Variants in NTM observed in about 807,000 individuals in gnomAD.
NTM encodes the protein neurotrimin, also known as IgLON family member 2.
A neutral mutation model predicts 42.1 loss-of-function variants in NTM; 13 were observed. The observed-to-expected ratio is 0.31, with a 90% CI of 0.20 to 0.49. NTM has a LOEUF of 0.49. Ranked by LOEUF, NTM falls within the 20% of genes least tolerant of loss-of-function variation. The pLI is 0.99. For synonymous variants in NTM, 187 were observed against 179.2 expected (o/e 1.04, Z -0.35); for missense variants, 373 against 452.8 (o/e 0.82, Z 1.60).
chr11:132,183,649 C>T (rs554843415), intron 3 of NTM, among the ~76,000 whole-genome samples: 1 of 152,162 alleles, frequency 6.6e-6, no homozygotes, highest in South Asian at 2.1e-4. Context: ...TCTTTGAAAG[C>T]ACCAGACAAG....
At chr11:131,841,465 C>A (rs979959414) in intron 1 of NTM, among the ~76,000 whole-genome samples, 1 of 152,208 alleles carries the variant, frequency 6.6e-6, no homozygotes, top group Admixed American at 6.5e-5. Context: ...TGATTTCCAA[C>A]CTTGGCAGCA....
At chr11:132,211,995 T>G (rs189097733) in intron 3 of NTM, 27 bp from the exon 4 acceptor site, 2 of 1,601,484 alleles carry the variant, frequency 1.2e-6, no homozygotes, top group East Asian at 4.5e-5. Flanking sequence ...GGAGGATTTT[T>G]ATTTTCATTC....
chr11:131,561,749 T>C lies in NTM; in HGVS notation c.82+190861T>C, dbSNP rs77278089. ...ACTACTGCATTGCCCCACACTTTCC[T>C]TTCCTGGCCCGAGAAAGCCTCATTC... is the stretch of plus-strand genomic sequence containing the variant. On this transcript the variant is annotated intron_variant, in intron 1 of 8. Coordinates refer to ENST00000683400, the MANE Select transcript of NTM (RefSeq NM_001352005.2). 6.3e-3 allele frequency among the ~76,000 whole-genome samples: 956 copies of C among 152,300 alleles called. 14 individuals are homozygous for C. The highest frequency in any genetic ancestry group is 0.021 in the African/African-American group (886 of 41,568).
At chr11:131,754,665 C>T (rs2083084969) in intron 1 of NTM, among the ~76,000 whole-genome samples, 1 of 151,968 alleles carries the variant, frequency 6.6e-6, no homozygotes, top group African/African-American at 2.4e-5. Context: ...ACCATATAAC[C>T]CAACCATTTC....
intron 2 of NTM, among the ~76,000 whole-genome samples, chr11:131,954,569 G>C (rs968516468): frequency 6.6e-6 from 1 of 152,216 alleles, no homozygotes; most frequent in African/African-American, 2.4e-5. Context: ...CTGCGTGTCT[G>C]ATTGAAGTAA....
chr11:132,054,961 A>G (rs747760079), intron 2 of NTM, among the ~76,000 whole-genome samples: 23 of 152,184 alleles, frequency 1.5e-4, no homozygotes, highest in Non-Finnish European at 3.4e-4. Flanking sequence ...AAGGGAGGAA[A>G]CGGTGGTACT....
At chr11:132,029,191 C>G (rs1443875649) in intron 2 of NTM, among the ~76,000 whole-genome samples, 3 of 151,740 alleles carry the variant, frequency 2.0e-5, no homozygotes, top group Non-Finnish European at 4.4e-5. Context: ...CTGAGGATCT[C>G]TTTTTTTTAT....
chr11:131,930,172 A>G (rs764652828), intron 2 of NTM, among the ~76,000 whole-genome samples: 1 of 152,242 alleles, frequency 6.6e-6, no homozygotes, highest in Non-Finnish European at 1.5e-5. Flanking sequence ...ATAATAATAT[A>G]TAATTCCCAT....
At chr11:131,594,027 C>A (rs139107762) in intron 1 of NTM, among the ~76,000 whole-genome samples, 2 of 152,296 alleles carry the variant, frequency 1.3e-5, no homozygotes, top group African/African-American at 4.8e-5. Context: ...ATTCTGTGCA[C>A]CAGCCTTATA....
chr11:131,655,942 T>G (rs1196661495), intron 1 of NTM, among the ~76,000 whole-genome samples: 1 of 152,212 alleles, frequency 6.6e-6, no homozygotes, highest in Non-Finnish European at 1.5e-5. Context: ...ATTGAACCTG[T>G]GCCCTAGGTC....
chr11:131,763,645 C>T (rs1039047490), intron 1 of NTM, among the ~76,000 whole-genome samples: 1 of 149,684 alleles, frequency 6.7e-6, no homozygotes, highest in Admixed American at 6.7e-5. Flanking sequence ...TACTACAAAC[C>T]CCAGGGATCC....
In NTM at chr11:131,815,633, C is replaced by G. The variant is rs144322690; in HGVS notation, c.83-95931C>G. 2.8e-3 allele frequency among the ~76,000 whole-genome samples: 431 copies of G among 152,268 alleles called. 4 individuals are homozygous for G. Among genetic ancestry groups the G allele is most frequent in the African/African-American group, 9.9e-3 (412 of 41,554 alleles). ...TGGCTTACCCAACCCCCACTTCCCC[C>G]CTCCTGCTGCCCGCGCCTCTCCCCC... On this transcript the variant is annotated intron_variant, in intron 1 of 8. Transcript: ENST00000683400.
chr11:131,774,885 T>C (rs953205072), intron 1 of NTM, among the ~76,000 whole-genome samples: 2 of 152,208 alleles, frequency 1.3e-5, no homozygotes, highest in South Asian at 4.1e-4. Flanking sequence ...TTCTGTAATG[T>C]CTCATGAGAA....
chr11:131,564,511 T>G (rs2056640484), intron 1 of NTM, among the ~76,000 whole-genome samples: 1 of 152,092 alleles, frequency 6.6e-6, no homozygotes, highest in Non-Finnish European at 1.5e-5. Context: ...CAATTTTTTT[T>G]TTATTTTTCC....
chr11:131,794,559 A>T, intron 1 of NTM: 1 of 985,300 alleles, frequency 1.0e-6, no homozygotes. Context: ...TCATTCACTG[A>T]GTTCTACAAG....
intron 1 of NTM, among the ~76,000 whole-genome samples, chr11:131,510,760 G>C (rs2048124332): frequency 6.6e-6 from 1 of 152,186 alleles, no homozygotes; most frequent in Non-Finnish European, 1.5e-5. Flanking sequence ...CATTTCCCCA[G>C]TTTTGCAGTC....
intron 1 of NTM, among the ~76,000 whole-genome samples, chr11:131,876,396 C>A (rs1207857097): frequency 1.3e-5 from 2 of 152,214 alleles, no homozygotes. Flanking sequence ...CATTCAGACT[C>A]TCTGGCTAGT....
intron 2 of NTM, among the ~76,000 whole-genome samples, chr11:132,074,628 A>G (rs372876403): frequency 6.6e-6 from 1 of 152,146 alleles, no homozygotes; most frequent in African/African-American, 2.4e-5. Context: ...TATTTCAGAA[A>G]CATTGCAACA....
intron 1 of NTM, among the ~76,000 whole-genome samples, chr11:131,812,985 C>T (rs2092800968): frequency 6.6e-6 from 1 of 152,144 alleles, no homozygotes; most frequent in South Asian, 2.1e-4. Flanking sequence ...TAAGGCATCC[C>T]TTGGTTTTTA....
Sources: allele counts gnomAD v4.1 joint callset (sites outside exome capture counted in the v4.1 genomes callset), GRCh38; gene constraint gnomAD v4.1.1; transcripts MANE v1.5; gene names NCBI Gene and HGNC (gene_info 2026-07-23, HGNC 2026-07-21).